The following PEX14 variants were observed in gnomAD, a reference collection of about 807,000 sequenced individuals.
PEX14 encodes peroxisomal biogenesis factor 14.
Under a neutral mutation model 49.5 loss-of-function variants are expected in PEX14, and 15 were observed. The ratio of observed to expected loss-of-function variants is 0.30; its 90% confidence interval spans 0.20 to 0.47. The LOEUF (loss-of-function observed/expected upper bound fraction) is 0.47. Among genes scored for constraint, PEX14 ranks in the 20% least tolerant of loss-of-function variants. The probability of loss-of-function intolerance (pLI) is 1.00; values close to 1 mark genes in which losing one functional copy is unlikely to be tolerated. For synonymous variants in PEX14, 210 were observed against 212.7 expected (o/e 0.99, Z 0.11); for missense variants, 398 against 494.8 (o/e 0.80, Z 1.86).
intron 3 of PEX14, among the ~76,000 whole-genome samples, chr1:10,589,433 G>A (rs1363493355): frequency 6.6e-6 from 1 of 152,190 alleles, no homozygotes; most frequent in African/African-American, 2.4e-5. Flanking sequence ...CTGAGCAAGT[G>A]TAAGTTGAAT....
Position 10,514,174 on chromosome 1 carries a change from G to C in PEX14, c.84+18853G>C, listed in dbSNP as rs1445166512. Among the ~76,000 whole-genome samples, 8 of 151,472 alleles carry C rather than the reference G, an allele frequency of 5.3e-5. No individual in the cohort carries two copies. The highest frequency in any genetic ancestry group is 1.9e-4 in the African/African-American group (8 of 41,284). On this transcript the variant is annotated intron_variant, in intron 2 of 8. Transcript: ENST00000356607. The surrounding 1 kb of genome is among the most constrained non-coding windows in gnomAD (Gnocchi z 4.4). ...TATGCCTCTGTGTGTGTGTGTGTGT[G>C]TGTGTGTGTGTGTGTGTGTGTGTGT... is the stretch of plus-strand genomic sequence containing the variant.
At chr1:10,492,478 C>T (rs1346156898) in intron 1 of PEX14, among the ~76,000 whole-genome samples, 2 of 152,202 alleles carry the variant, frequency 1.3e-5, no homozygotes, top group African/African-American at 4.8e-5. Context: ...GTTCAAATCC[C>T]TGTAGTACCA....
intron 2 of PEX14, among the ~76,000 whole-genome samples, chr1:10,530,327 AC>A (rs1218515227): frequency 1.3e-5 from 2 of 152,164 alleles, no homozygotes; most frequent in African/African-American, 4.8e-5. Context: ...ATTACCTAAA[AC>A]CTCAATTTTC....
chr1:10,587,386 C>T (rs1405471884), intron 3 of PEX14, among the ~76,000 whole-genome samples: 3 of 151,804 alleles, frequency 2.0e-5, no homozygotes, highest in East Asian at 1.9e-4. Flanking sequence ...ACCTGGGAGG[C>T]GGAGGTTACA....
intron 2 of PEX14, among the ~76,000 whole-genome samples, chr1:10,515,126 G>A (rs973642308): frequency 3.3e-5 from 5 of 152,052 alleles, no homozygotes; most frequent in Non-Finnish European, 5.9e-5. Context: ...AATTCATACT[G>A]TGTCAGTTTA....
chr1:10,551,938 C>T (rs907913953), intron 3 of PEX14, among the ~76,000 whole-genome samples: 5 of 151,998 alleles, frequency 3.3e-5, no homozygotes, highest in Non-Finnish European at 7.4e-5. Context: ...ACTAAAAATA[C>T]AAAAATTAGC....
intron 2 of PEX14, among the ~76,000 whole-genome samples, chr1:10,505,559 A>T (rs1414453472): frequency 6.6e-6 from 1 of 151,804 alleles, no homozygotes; most frequent in Admixed American, 6.6e-5. Flanking sequence ...TTAAATTTTT[A>T]TAGAGACAGG....
intron 4 of PEX14, among the ~76,000 whole-genome samples, chr1:10,605,225 G>T (rs867813965): frequency 1.3e-5 from 2 of 152,154 alleles, no homozygotes; most frequent in South Asian, 2.1e-4. Flanking sequence ...TCATGTGGAC[G>T]AGCTGCCCTG....
At chr1:10,486,192 C>T (rs1641364645) in intron 1 of PEX14, among the ~76,000 whole-genome samples, 1 of 152,088 alleles carries the variant, frequency 6.6e-6, no homozygotes, top group Non-Finnish European at 1.5e-5. Flanking sequence ...CTGTCTAGGA[C>T]TTTGAGTGCA....
At chr1:10,516,238 G>A (rs1028528868) in intron 2 of PEX14, among the ~76,000 whole-genome samples, 4 of 152,194 alleles carry the variant, frequency 2.6e-5, no homozygotes, top group African/African-American at 9.7e-5. Context: ...CTGTTCTCTG[G>A]TTGTTCCCTA....
intron 3 of PEX14, among the ~76,000 whole-genome samples, chr1:10,575,061 C>T (rs1439978351): frequency 6.8e-6 from 1 of 146,680 alleles, no homozygotes; most frequent in Non-Finnish European, 1.5e-5. Flanking sequence ...AGAGCAAGAA[C>T]CCGTCTCTTA....
Position 10,599,297 on chromosome 1 carries a change from C to T in PEX14, c.229C>T (p.Pro77Ser). The change falls in exon 4 of 9, where the codon CCT becomes TCT. Residue 77 changes from proline to serine, a missense_variant. Transcript: ENST00000356607. The part of the protein sequence containing the change: ...FQQSGTAADE[P>S]SSLGPATQVV... ...GCAGTCGGGCACTGCTGCCGATGAGCCTTCGTCCTTGGGCCCAGCCACACA... is the reference window on the plus strand; with the variant it reads ...GCAGTCGGGCACTGCTGCCGATGAGTCTTCGTCCTTGGGCCCAGCCACACA... 2 of 1,614,110 alleles carry T rather than the reference C, an allele frequency of 1.2e-6. No individual in the cohort carries two copies. The highest frequency in any genetic ancestry group is 1.7e-6 in the Non-Finnish European group (2 of 1,179,922).
chr1:10,489,172 G>T (rs984089960), intron 1 of PEX14, among the ~76,000 whole-genome samples: 1 of 151,782 alleles, frequency 6.6e-6, no homozygotes, highest in African/African-American at 2.4e-5. Flanking sequence ...GTAGAGACGG[G>T]GTTTCTCCAT....
rs758480753 is a variant in PEX14, at chr1:10,618,290, G to T, written c.299-42G>T. The T allele has an allele frequency of 2.0e-6, 3 of 1,522,594 alleles. 1 individual carries two copies. The highest frequency in any genetic ancestry group is 2.2e-5 in the South Asian group (2 of 89,266). 94.3% of individuals were successfully genotyped at this position (1,522,594 alleles called of 1,614,324 possible). On this transcript the variant is annotated intron_variant, in intron 4 of 8. Coordinates refer to ENST00000356607, the MANE Select transcript of PEX14 (RefSeq NM_004565.3). ...TGCCAGCCCCCACCCGAAGAAGGAC[G>T]CCATGTGCGTCTTCTAACCCTCCTC...
In PEX14 at chr1:10,488,621, T is replaced by C. The variant is rs556101973; in HGVS notation, c.37-6653T>C. Among the ~76,000 whole-genome samples, 151 of 152,116 alleles carry C rather than the reference T, an allele frequency of 9.9e-4. 1 individual carries two copies. Among genetic ancestry groups the C allele is most frequent in the African/African-American group, 3.5e-3 (145 of 41,498 alleles). On this transcript the variant is annotated intron_variant, in intron 1 of 8. Coordinates refer to ENST00000356607, the MANE Select transcript of PEX14 (RefSeq NM_004565.3). The stretch of plus-strand genomic sequence containing the variant: ...TTCACCCCATTCTCCTGCCTCAGCC[T>C]CCTGAGTAGCTGGGACTACAGGTGC...
rs558141049 is a variant in PEX14, at chr1:10,483,828, T to G, written c.36+8826T>G. Among the ~76,000 whole-genome samples the G allele has an allele frequency of 1.3e-3, 196 of 151,772 alleles. 3 individuals are homozygous for G. Among genetic ancestry groups the G allele is most frequent in the Non-Finnish European group, 1.7e-3 (115 of 68,016 alleles). ...AGTTTCAGTATCCCTAAACGTTCCC[T>G]TACGCCCCTTCCCATTGAATCCTTG... On this transcript the variant is annotated intron_variant, in intron 1 of 8. Coordinates refer to ENST00000356607, the MANE Select transcript of PEX14 (RefSeq NM_004565.3).
At chr1:10,607,157 AT>A (rs913883167) in intron 4 of PEX14, among the ~76,000 whole-genome samples, 47 of 150,760 alleles carry the variant, frequency 3.1e-4, no homozygotes, top group Middle Eastern at 3.4e-3. Context: ...TCTTGTTTCT[AT>A]TTTTTTTCTT....
intron 2 of PEX14, among the ~76,000 whole-genome samples, chr1:10,501,340 A>G (rs1392014780): frequency 2.0e-5 from 3 of 151,930 alleles, no homozygotes; most frequent in African/African-American, 7.3e-5. Context: ...GCTTTTGCCC[A>G]GGCTAGAGTG....
chr1:10,577,702 G>A (rs1640191687), intron 3 of PEX14, among the ~76,000 whole-genome samples: 2 of 141,572 alleles, frequency 1.4e-5, no homozygotes, highest in Non-Finnish European at 3.0e-5. Flanking sequence ...GAGGGTTCAC[G>A]CCATTCTCCT....
Sources: gnomAD v4.1 joint callset for allele counts (sites outside exome capture counted in the v4.1 genomes callset) on GRCh38, gnomAD v4.1.1 for gene constraint, Gnocchi (gnomAD v3.1) non-coding constraint, MANE v1.5 for transcripts, NCBI Gene and HGNC (gene_info 2026-07-23, HGNC 2026-07-21) for gene names.